Variants in PCSK5 observed in about 807,000 individuals in gnomAD.
PCSK5 encodes the protein prohormone convertase 5.
In PCSK5, 129 loss-of-function variants were observed where a neutral mutation model predicts 233.2. That is an observed-to-expected ratio of 0.55 (90% confidence interval 0.48 to 0.64). PCSK5 has a LOEUF of 0.64. PCSK5 is among the 30% of genes least tolerant of loss of function. The pLI is 0.00. For missense variants in PCSK5, 2,076 were observed against 2,430.1 expected (o/e 0.85, Z 3.06); for synonymous variants, 825 against 879.2 (o/e 0.94, Z 1.09).
chr9:76,206,946 T>G (rs1825140091), intron 20 of PCSK5, among the ~76,000 whole-genome samples: 2 of 152,066 alleles, frequency 1.3e-5, no homozygotes. Flanking sequence ...TACCAGAGGG[T>G]CCAGGGGAGA....
At chr9:76,243,319 T>C (rs1435450768) in intron 24 of PCSK5, among the ~76,000 whole-genome samples, 3 of 152,182 alleles carry the variant, frequency 2.0e-5, no homozygotes. Flanking sequence ...GTGATCCTAC[T>C]ATAAGGGATA....
intron 1 of PCSK5, among the ~76,000 whole-genome samples, chr9:75,929,861 CTTT>C (rs146665133): frequency 8.1e-5 from 11 of 135,142 alleles, no homozygotes; most frequent in Non-Finnish European, 1.4e-4. Context: ...TGTCAGATCT[CTTT>C]TTTTTTTTTT....
chr9:76,171,214 CCT>C (rs1474331066), intron 13 of PCSK5, among the ~76,000 whole-genome samples: 2 of 152,198 alleles, frequency 1.3e-5, no homozygotes, highest in Non-Finnish European at 2.9e-5. Context: ...CCAGGATCTT[CCT>C]CTCTCCTTTC....
intron 29 of PCSK5, among the ~76,000 whole-genome samples, chr9:76,309,962 G>A (rs1828816342): frequency 6.6e-6 from 1 of 152,068 alleles, no homozygotes; most frequent in Non-Finnish European, 1.5e-5. Flanking sequence ...AGAGTTGGGT[G>A]GAAGAGTTGT....
At chr9:76,141,631 C>G (rs535923850) in intron 10 of PCSK5, among the ~76,000 whole-genome samples, 1 of 152,144 alleles carries the variant, frequency 6.6e-6, no homozygotes, top group Non-Finnish European at 1.5e-5. Flanking sequence ...TTTTCATCCT[C>G]TAGCCTCCTC....
intron 4 of PCSK5, among the ~76,000 whole-genome samples, chr9:76,026,584 A>C (rs1404152477): frequency 2.0e-5 from 3 of 152,156 alleles, no homozygotes; most frequent in Non-Finnish European, 4.4e-5. Flanking sequence ...TGGAGAATAA[A>C]TCACTTTGTG....
intron 1 of PCSK5, among the ~76,000 whole-genome samples, chr9:75,909,688 T>A (rs1248438840): frequency 6.6e-6 from 1 of 151,928 alleles, no homozygotes; most frequent in Non-Finnish European, 1.5e-5. Flanking sequence ...AGAGCAAGAC[T>A]CCGTCTCAAG....
At chr9:76,157,582 C>G (rs1229340604) in intron 11 of PCSK5, among the ~76,000 whole-genome samples, 1 of 151,906 alleles carries the variant, frequency 6.6e-6, no homozygotes, top group African/African-American at 2.4e-5. Flanking sequence ...GGCCTATTCC[C>G]CAGTTTTAGT....
At chr9:75,977,298 A>G (rs996179028) in intron 2 of PCSK5, among the ~76,000 whole-genome samples, 5 of 151,862 alleles carry the variant, frequency 3.3e-5, no homozygotes, top group Non-Finnish European at 5.9e-5. Context: ...TGTGCCATCC[A>G]TGTCGGCTCA....
At chr9:76,062,700 G>T (rs184518541) in intron 5 of PCSK5, among the ~76,000 whole-genome samples, 2 of 152,106 alleles carry the variant, frequency 1.3e-5, no homozygotes, top group East Asian at 3.9e-4. Flanking sequence ...ATATTTATGG[G>T]TTATATATGG....
At chr9:76,204,158 AT>A (rs1295085724) in intron 20 of PCSK5, among the ~76,000 whole-genome samples, 1 of 152,094 alleles carries the variant, frequency 6.6e-6, no homozygotes, top group Non-Finnish European at 1.5e-5. Flanking sequence ...CAGCTAGTTA[AT>A]TTACCTCTTG....
chr9:76,329,090 A>G (rs1402657751), intron 33 of PCSK5, among the ~76,000 whole-genome samples: 1 of 150,386 alleles, frequency 6.6e-6, no homozygotes, highest in Non-Finnish European at 1.5e-5. Context: ...AAGTGCTGGG[A>G]TTACAGGTGT....
intron 2 of PCSK5, among the ~76,000 whole-genome samples, chr9:75,971,808 C>A (rs146728128): frequency 9.9e-5 from 15 of 151,604 alleles, no homozygotes; most frequent in African/African-American, 3.6e-4. Flanking sequence ...AAGTTCCTTG[C>A]AGATTCTGGA....
At chr9:76,134,021 A>G in intron 9 of PCSK5, 88 bp from the exon 10 acceptor site, 3 of 870,682 alleles carry the variant, frequency 3.4e-6, no homozygotes, top group Non-Finnish European at 5.5e-6. Flanking sequence ...TGCCATTTTG[A>G]TTTTGCTTTT....
At chr9:76,159,564 T>G (rs953223956) in intron 12 of PCSK5, among the ~76,000 whole-genome samples, 4 of 152,236 alleles carry the variant, frequency 2.6e-5, no homozygotes, top group Non-Finnish European at 4.4e-5. Context: ...AAGGAAATTC[T>G]AATTTTTTAA....
intron 35 of PCSK5, among the ~76,000 whole-genome samples, chr9:76,341,564 G>C (rs183202187): frequency 1.3e-5 from 2 of 152,150 alleles, no homozygotes; most frequent in Admixed American, 1.3e-4. Context: ...AAAGTGCTGG[G>C]GTTACAGGCG....
At chr9:76,131,237 T>C in intron 9 of PCSK5, among the ~76,000 whole-genome samples, 1 of 152,144 alleles carries the variant, frequency 6.6e-6, no homozygotes, top group East Asian at 1.9e-4. Flanking sequence ...GACGTATCCA[T>C]AAACAAGAGT....
chr9:76,163,839 T>G (rs1392338570), intron 12 of PCSK5, among the ~76,000 whole-genome samples: 1 of 151,028 alleles, frequency 6.6e-6, no homozygotes, highest in Non-Finnish European at 1.5e-5. Context: ...GCTGCATCTG[T>G]TAGAATTATA....
At chr9:76,301,045 G>A (rs1366447592) in intron 27 of PCSK5, among the ~76,000 whole-genome samples, 1 of 152,074 alleles carries the variant, frequency 6.6e-6, no homozygotes, top group Non-Finnish European at 1.5e-5. Context: ...AGCTGAGGTG[G>A]GCAGATCACT....
Sources: allele counts gnomAD v4.1 joint callset (sites outside exome capture counted in the v4.1 genomes callset), GRCh38; gene constraint gnomAD v4.1.1; transcripts MANE v1.5; gene names NCBI Gene and HGNC (gene_info 2026-07-23, HGNC 2026-07-21).